The following LPP variants were observed in gnomAD, a reference collection of about 807,000 sequenced individuals.
The protein encoded by LPP is LIM domain containing preferred translocation partner in lipoma.
Under a neutral mutation model 60.4 loss-of-function variants are expected in LPP, and 38 were observed. The observed-to-expected ratio is 0.63, with a 90% CI of 0.49 to 0.83. The LOEUF (loss-of-function observed/expected upper bound fraction) is 0.83. Ranked by LOEUF, LPP falls within the 40% of genes least tolerant of loss-of-function variation. The pLI, the probability that LPP is intolerant of heterozygous loss-of-function variation, is 0.00. For missense variants in LPP, 902 were observed against 783.6 expected (o/e 1.15, Z -1.80); for synonymous variants, 328 against 290.8 (o/e 1.13, Z -1.30).
chr3:188,661,760 G>A (rs1048309417), intron 7 of LPP, among the ~76,000 whole-genome samples: 2 of 152,174 alleles, frequency 1.3e-5, no homozygotes, highest in Non-Finnish European at 2.9e-5. Flanking sequence ...TGACAAAGAT[G>A]CATTTTTGAC....
Position 188,249,451 on chromosome 3 carries a change from G to A in LPP, c.-67+23924G>A, listed in dbSNP as rs530380413. On this transcript the variant is annotated intron_variant, in intron 2 of 11. Transcript: ENST00000617246. ...GAGTGTCTCGAAGGAAGGAAGGAAGGAAAGGAAGGAGGGAGAGAAAGAAAG... is the reference window on the plus strand; with the variant it reads ...GAGTGTCTCGAAGGAAGGAAGGAAGAAAAGGAAGGAGGGAGAGAAAGAAAG... Among the ~76,000 whole-genome samples the A allele has an allele frequency of 2.0e-5, 3 of 151,570 alleles. No individual in the cohort carries two copies. In the South Asian group the frequency reaches 6.3e-4, roughly 32 times the overall value.
intron 2 of LPP, among the ~76,000 whole-genome samples, chr3:188,262,970 C>T (rs1734196393): frequency 6.6e-6 from 1 of 152,112 alleles, no homozygotes; most frequent in Non-Finnish European, 1.5e-5. Context: ...AATACGTCAG[C>T]TCCAAAGAGT....
chr3:188,355,117 T>G (rs1047362708), intron 3 of LPP, among the ~76,000 whole-genome samples: 10 of 152,136 alleles, frequency 6.6e-5, no homozygotes, highest in Non-Finnish European at 1.0e-4. Context: ...CAAGCGATTC[T>G]CCTGCCTCAG....
chr3:188,338,171 A>T (rs1368811952), intron 2 of LPP, among the ~76,000 whole-genome samples: 1 of 152,272 alleles, frequency 6.6e-6, no homozygotes, highest in African/African-American at 2.4e-5. Flanking sequence ...AATTAAAATC[A>T]GAGAGGGAAG....
chr3:188,290,098 G>A (rs573749815), intron 2 of LPP, among the ~76,000 whole-genome samples: 7 of 151,974 alleles, frequency 4.6e-5, no homozygotes, highest in South Asian at 4.1e-4. Context: ...TCAGCCTCCC[G>A]AGTAGCTGGG....
intron 9 of LPP, among the ~76,000 whole-genome samples, chr3:188,780,021 G>C (rs1295760819): frequency 6.6e-6 from 1 of 152,066 alleles, no homozygotes; most frequent in Non-Finnish European, 1.5e-5. Flanking sequence ...ACATAGAGCT[G>C]GTTGGATGAC....
intron 4 of LPP, among the ~76,000 whole-genome samples, chr3:188,416,457 C>T (rs1016334893): frequency 6.6e-6 from 1 of 152,176 alleles, no homozygotes; most frequent in Non-Finnish European, 1.5e-5. Context: ...GTGATTGATG[C>T]TCAACCAACG....
rs549079277 is a variant in LPP at position 188,372,318 on chromosome 3, A to G, written c.-10+30599A>G. ...ATTTATGGTATTCCTTACTATATAGATTTGTTAAAATAATTCACGATATTT... is the reference window on the plus strand; with the variant it reads ...ATTTATGGTATTCCTTACTATATAGGTTTGTTAAAATAATTCACGATATTT... On this transcript the variant is annotated intron_variant, in intron 3 of 11. Transcript: ENST00000617246. Among the ~76,000 whole-genome samples the G allele has an allele frequency of 5.3e-5, 8 of 152,220 alleles. No individual in the cohort carries two copies. In the South Asian group the frequency reaches 1.5e-3, roughly 28 times the overall value.
At chr3:188,207,489 C>T (rs546389731) in intron 1 of LPP, among the ~76,000 whole-genome samples, 2 of 152,140 alleles carry the variant, frequency 1.3e-5, no homozygotes, top group East Asian at 3.9e-4. Context: ...GCCTCGGCCT[C>T]CCAAAGTGCT....
Position 188,876,410 on chromosome 3 carries a change from C to G in LPP, c.*1931C>G, listed in dbSNP as rs955928739. 5.2e-6 allele frequency: 1 copy of G among 193,298 alleles called. No individual in the cohort carries two copies. The highest frequency in any genetic ancestry group is 2.3e-5 in the African/African-American group (1 of 43,078). 12.0% of individuals were successfully genotyped at this position (193,298 alleles called of 1,614,324 possible). A position where few individuals can be genotyped will look rare whatever the true frequency, so the allele number is the denominator to read the frequency against. On this transcript the variant is annotated 3_prime_UTR_variant, in exon 12 of 12. Transcript: ENST00000617246. ...TTTAAGAGCTTCCTTTGACCACTGTCTTTTTCTTACCCTAGTTCTCTTATC... is the reference window on the plus strand; with the variant it reads ...TTTAAGAGCTTCCTTTGACCACTGTGTTTTTCTTACCCTAGTTCTCTTATC...
chr3:188,829,109 A>G (rs76328313), intron 9 of LPP, among the ~76,000 whole-genome samples: 8,210 of 152,212 alleles, frequency 0.054, 239 homozygotes, highest in South Asian at 0.069. Flanking sequence ...TGAGAAACAA[A>G]TGGGATACTG....
chr3:188,366,020 C>A (rs1043583363), intron 3 of LPP, among the ~76,000 whole-genome samples: 2 of 152,188 alleles, frequency 1.3e-5, no homozygotes, highest in Non-Finnish European at 2.9e-5. Context: ...CACTGGATCT[C>A]CCTTTGACCA....
At chr3:188,829,526 A>G (rs1419654024) in intron 9 of LPP, among the ~76,000 whole-genome samples, 1 of 152,200 alleles carries the variant, frequency 6.6e-6, no homozygotes, top group Admixed American at 6.5e-5. Context: ...ACCCAATGTC[A>G]TACATCTTTT....
At chr3:188,254,938 G>A (rs894765835) in intron 2 of LPP, among the ~76,000 whole-genome samples, 1 of 152,084 alleles carries the variant, frequency 6.6e-6, no homozygotes. Context: ...GTGTAGTACT[G>A]GATAAATACA....
chr3:188,335,908 G>T (rs1352384369), intron 2 of LPP, among the ~76,000 whole-genome samples: 1 of 152,144 alleles, frequency 6.6e-6, no homozygotes, highest in Non-Finnish European at 1.5e-5. Flanking sequence ...TGCAATTAGG[G>T]TTGGTGTTAC....
chr3:188,562,903 A>C (rs1264106957), intron 6 of LPP, among the ~76,000 whole-genome samples: 3 of 152,054 alleles, frequency 2.0e-5, no homozygotes, highest in Non-Finnish European at 2.9e-5. Context: ...ACTTAGCCAT[A>C]TCTCTCCAGG....
chr3:188,612,339 A>G (rs79402383), intron 7 of LPP, among the ~76,000 whole-genome samples: 22,203 of 152,064 alleles, frequency 0.15, 1,652 homozygotes, highest in Non-Finnish European at 0.17. Context: ...GTTCCTTCAC[A>G]GTTGGCCTTT....
chr3:188,387,361 A>G (rs1190533677), intron 3 of LPP, among the ~76,000 whole-genome samples: 1 of 152,150 alleles, frequency 6.6e-6, no homozygotes, highest in East Asian at 1.9e-4. Flanking sequence ...GACATCATAC[A>G]TTAAGCATTT....
At chr3:188,505,274 T>C (rs942726228) in intron 5 of LPP, among the ~76,000 whole-genome samples, 1 of 152,192 alleles carries the variant, frequency 6.6e-6, no homozygotes, top group African/African-American at 2.4e-5. Flanking sequence ...CTTCGATTTT[T>C]ACTAAGCAGA....
Sources: allele counts gnomAD v4.1 joint callset (sites outside exome capture counted in the v4.1 genomes callset), GRCh38; gene constraint gnomAD v4.1.1; transcripts MANE v1.5; gene names NCBI Gene and HGNC (gene_info 2026-07-23, HGNC 2026-07-21).